The following GSE1 variants were observed in gnomAD, a reference collection of about 807,000 sequenced individuals.
The protein encoded by GSE1 is Gse1 coiled-coil protein, also known as genetic suppressor element 1.
Under a neutral mutation model 112.6 loss-of-function variants are expected in GSE1, and 32 were observed. The observed-to-expected ratio is 0.28, with a 90% CI of 0.21 to 0.38. The LOEUF is 0.38. Ranked by LOEUF, GSE1 falls within the 10% of genes least tolerant of loss-of-function variation. The pLI is 1.00. For synonymous variants in GSE1, 1,115 were observed against 735.6 expected (o/e 1.52, Z -8.35); for missense variants, 2,348 against 1,699.2 (o/e 1.38, Z -6.71).
intron 2 of GSE1, among the ~76,000 whole-genome samples, chr16:85,512,812 G>C (rs761545732): frequency 2.0e-5 from 3 of 152,168 alleles, no homozygotes; most frequent in Non-Finnish European, 4.4e-5. Context: ...AGGTCCGAGA[G>C]GGTCGGGTAT....
intron 2 of GSE1, among the ~76,000 whole-genome samples, chr16:85,541,420 G>T (rs1231590476): frequency 6.6e-6 from 1 of 152,242 alleles, no homozygotes; most frequent in African/African-American, 2.4e-5. Flanking sequence ...GCTGGCACAG[G>T]CCTCACTGTC....
chr16:85,545,087 G>C (rs2044650954), intron 2 of GSE1, among the ~76,000 whole-genome samples: 1 of 152,256 alleles, frequency 6.6e-6, no homozygotes, highest in Non-Finnish European at 1.5e-5. Flanking sequence ...AACCAGGGCT[G>C]TCTGAGATTA....
At chr16:85,444,335 G>T (rs1472710436) in intron 2 of GSE1, among the ~76,000 whole-genome samples, 1 of 152,192 alleles carries the variant, frequency 6.6e-6, no homozygotes, top group East Asian at 1.9e-4. Flanking sequence ...GCAACCAGGG[G>T]ACAGTGTCTC....
chr16:85,330,485 A>G (rs1457678128), intron 1 of GSE1, among the ~76,000 whole-genome samples: 1 of 152,212 alleles, frequency 6.6e-6, no homozygotes, highest in Non-Finnish European at 1.5e-5. Flanking sequence ...ATGTGTTGTT[A>G]GAGCCATTGT....
chr16:85,185,982 G>A (rs912434772), intron 1 of GSE1, among the ~76,000 whole-genome samples: 7 of 152,170 alleles, frequency 4.6e-5, no homozygotes, highest in East Asian at 3.9e-4. Context: ...GCAGTTTCAC[G>A]GGCCTTACTG....
intron 1 of GSE1, among the ~76,000 whole-genome samples, chr16:85,575,081 A>G (rs1326113047): frequency 6.7e-6 from 1 of 150,338 alleles, no homozygotes; most frequent in Non-Finnish European, 1.5e-5. Context: ...GCTCCAGTTA[A>G]TTAAATGTGG....
intron 1 of GSE1, among the ~76,000 whole-genome samples, chr16:85,560,185 G>A (rs575532276): frequency 7.7e-6 from 1 of 129,264 alleles, no homozygotes; most frequent in Middle Eastern, 5.0e-3. Flanking sequence ...TGCCAGGCTC[G>A]AGTGCAATGG....
intron 2 of GSE1, among the ~76,000 whole-genome samples, chr16:85,519,619 C>CTTT: frequency 2.2e-5 from 3 of 137,974 alleles, no homozygotes; most frequent in African/African-American, 8.8e-5. Context: ...ATCACCATCA[C>CTTT]CACCACCATC....
chr16:85,218,047 C>T (rs1001658111), intron 1 of GSE1, among the ~76,000 whole-genome samples: 7 of 152,066 alleles, frequency 4.6e-5, no homozygotes, highest in Non-Finnish European at 1.0e-4. Context: ...ACTACAGGCA[C>T]GCACTACCAC....
At chr16:85,255,119 G>T (rs908135604) in intron 1 of GSE1, among the ~76,000 whole-genome samples, 1 of 152,196 alleles carries the variant, frequency 6.6e-6, no homozygotes, top group Non-Finnish European at 1.5e-5. Flanking sequence ...GCCAGCTTCC[G>T]GCTCCCCGAG....
chr16:85,574,899 C>T (rs2046158091), intron 1 of GSE1, among the ~76,000 whole-genome samples: 2 of 152,152 alleles, frequency 1.3e-5, no homozygotes, highest in South Asian at 2.1e-4. Context: ...TCCAGGCAGG[C>T]GGGGGATTTA....
Position 85,206,887 on chromosome 16 carries a change from A to G in GSE1, c.2283+35080A>G, listed in dbSNP as rs905210587. ...AGCCCTCCTGCCCTTTCTTTATGGC[A>G]GGCAAAGTGCTAATTCCCAGCCCAG... On this transcript the variant is annotated intron_variant, in intron 1 of 2. Coordinates refer to the GSE1 transcript ENST00000637419. Among the ~76,000 whole-genome samples, 3 of 132,926 alleles carry G rather than the reference A, an allele frequency of 2.3e-5. No individual in the cohort carries two copies. The South Asian group carries it at 7.7e-4, about 34-fold the overall frequency. The allele number at this position is 132,926 out of a possible 152,430, so 87.2% of individuals were successfully genotyped here.
chr16:85,531,400 G>A (rs189663899), intron 2 of GSE1, among the ~76,000 whole-genome samples: 91 of 152,200 alleles, frequency 6.0e-4, no homozygotes, highest in African/African-American at 2.0e-3. Flanking sequence ...TTGGGTAGAC[G>A]GATGAGCACA....
chr16:85,554,834 G>C, upstream of GSE1: 1 of 978,536 alleles, frequency 1.0e-6, no homozygotes, highest in Non-Finnish European at 1.2e-6. Context: ...GCGCGGAGTT[G>C]GGCAGCCGGA....
chr16:85,478,907 CTTTCTTTCTTTCTTTCTTTCTCTT>C (rs1567520681), intron 2 of GSE1, among the ~76,000 whole-genome samples: 768 of 50,872 alleles, frequency 0.015, 27 homozygotes, highest in African/African-American at 0.03. Context: ...TTCTTTCTTT[CTTTCTTTCTTTCTTTCTTTCTCTT>C]TCTTTCTTTC....
intron 1 of GSE1, among the ~76,000 whole-genome samples, chr16:85,220,482 T>A (rs1234741625): frequency 6.6e-6 from 1 of 152,208 alleles, no homozygotes; most frequent in African/African-American, 2.4e-5. Flanking sequence ...TTGTTTAAGT[T>A]CAGCTCAGAG....
Position 85,626,283 on chromosome 16 carries a change from A to G in GSE1, c.8-7631A>G, listed in dbSNP as rs8051805. Among the ~76,000 whole-genome samples the G allele has an allele frequency of 6.4e-3, 975 of 152,292 alleles. 14 individuals carry two copies. Among genetic ancestry groups the G allele is most frequent in the African/African-American group, 0.022 (924 of 41,574 alleles). On this transcript the variant is annotated intron_variant, in intron 1 of 15. Coordinates refer to ENST00000253458, the MANE Select transcript of GSE1 (RefSeq NM_014615.5). ...ACTGAGCTTGGAGCACGTGGAGGGC[A>G]GATATGATAATGAATTTATCATGAA...
rs148518911 is a variant in GSE1, at chr16:85,403,672, C to T, written c.2464+46029C>T. On this transcript the variant is annotated intron_variant, in intron 2 of 2. Transcript: ENST00000637419. ...ACAAAATTAGCCGGGTATGGTAGCA[C>T]ATGCCTGTGGTCCCAGCTATGTGGG... Among the ~76,000 whole-genome samples, 1,180 of 152,200 alleles carry T rather than the reference C, an allele frequency of 7.8e-3. 17 individuals carry two copies. The highest frequency in any genetic ancestry group is 0.027 in the African/African-American group (1,100 of 41,504).
intron 1 of GSE1, among the ~76,000 whole-genome samples, chr16:85,558,916 G>C (rs2045379491): frequency 6.6e-6 from 1 of 152,074 alleles, no homozygotes; most frequent in Non-Finnish European, 1.5e-5. Context: ...GGAGTGCAGT[G>C]GTGTGATCTC....
Sources: allele counts gnomAD v4.1 joint callset (sites outside exome capture counted in the v4.1 genomes callset), GRCh38; gene constraint gnomAD v4.1.1; transcripts MANE v1.5; gene names NCBI Gene and HGNC (gene_info 2026-07-23, HGNC 2026-07-21).